The following IDE variants were observed in gnomAD, a reference collection of about 807,000 sequenced individuals.
IDE encodes insulin-degrading enzyme.
In IDE, 58 loss-of-function variants were observed where a neutral mutation model predicts 133.2. The observed-to-expected ratio is 0.44, with a 90% CI of 0.35 to 0.54. The LOEUF (loss-of-function observed/expected upper bound fraction) is 0.54, where lower values mean the gene tolerates loss of function less well. IDE is among the 20% of genes least tolerant of loss of function. IDE has a pLI of 0.00. For synonymous variants in IDE, 396 were observed against 421.3 expected, an observed-to-expected ratio of 0.94 and a Z score of 0.73; for missense variants, 981 against 1,234.0, an observed-to-expected ratio of 0.79 and a Z score of 3.07.
At chr10:92,547,288 T>C (rs921712601) in intron 1 of IDE, among the ~76,000 whole-genome samples, 4 of 151,868 alleles carry the variant, frequency 2.6e-5, no homozygotes, top group African/African-American at 9.7e-5. Context: ...TTTTACCATG[T>C]TTCCCAGGAT....
chr10:92,573,950 G>T lies in IDE; in HGVS notation c.70C>A (p.Arg24Ser). The change falls in exon 1 of 25, where the codon CGC (arginine) becomes AGC (serine). Residue 24 changes from arginine (R) to serine (S), a missense_variant. Physicochemically the swap from Arg to Ser is moderately radical, Grantham distance 110. This residue lies in a region of IDE where 321 missense variants were observed against 339.3 expected (regional missense o/e 0.95). Coordinates refer to ENST00000265986, the MANE Select transcript of IDE (RefSeq NM_004969.4). ...CACAGGCGCTCCGGAGGCGGCAGGC[G>T]GGCGCCGAGGACTGAGCGGAAGGTG... ...PSTFRSVLGARLPPPERLCGF... is the reference protein window; with the variant it reads ...PSTFRSVLGASLPPPERLCGF... The T allele has an allele frequency of 6.8e-7, 1 of 1,473,856 alleles. No individual in the cohort carries two copies. The highest frequency in any genetic ancestry group is 2.9e-5 in the East Asian group (1 of 34,000). 91.3% of individuals were successfully genotyped at this position (1,473,856 alleles called of 1,614,324 possible).
intron 4 of IDE, among the ~76,000 whole-genome samples, chr10:92,526,845 CAAAAAAAAAA>C (rs1165598095): frequency 1.8e-5 from 1 of 54,286 alleles, no homozygotes; most frequent in African/African-American, 7.1e-5. Flanking sequence ...GGCCCTGTCT[CAAAAAAAAAA>C]AAAAAAAAAA....
chr10:92,519,337 T>G (rs886637595), intron 4 of IDE, among the ~76,000 whole-genome samples: 2 of 152,218 alleles, frequency 1.3e-5, no homozygotes, highest in Admixed American at 6.5e-5. Flanking sequence ...TGTCCTAATT[T>G]TGTGCTCATT....
intron 6 of IDE, 67 bp downstream of exon 6, chr10:92,509,983 A>T: frequency 1.4e-6 from 1 of 709,662 alleles, no homozygotes; most frequent in Non-Finnish European, 2.4e-6. Context: ...CACCTGTTCT[A>T]TGGTAAACTA....
chr10:92,538,299 G>A (rs534540753), intron 1 of IDE, among the ~76,000 whole-genome samples: 2 of 152,358 alleles, frequency 1.3e-5, no homozygotes, highest in South Asian at 4.1e-4. Flanking sequence ...TTGAAAGATA[G>A]GGTAGATCTG....
intron 1 of IDE, among the ~76,000 whole-genome samples, chr10:92,549,950 C>A (rs971714611): frequency 3.3e-5 from 5 of 152,180 alleles, no homozygotes; most frequent in Non-Finnish European, 5.9e-5. Context: ...AGGCAGATCA[C>A]CTGAGGTCAG....
At chr10:92,478,924 G>C in intron 15 of IDE, 1 of 313,766 alleles carries the variant, frequency 3.2e-6, no homozygotes, top group Non-Finnish European at 5.0e-6. Context: ...GCCAACCTTA[G>C]GTTTTACAAA....
intron 1 of IDE, among the ~76,000 whole-genome samples, chr10:92,548,901 G>A (rs539933937): frequency 1.6e-4 from 25 of 152,224 alleles, no homozygotes; most frequent in Non-Finnish European, 3.2e-4. Flanking sequence ...ACAACTGAAG[G>A]TGCTAATGGC....
chr10:92,491,984 G>C (rs1564620040), intron 11 of IDE, among the ~76,000 whole-genome samples: 1 of 152,082 alleles, frequency 6.6e-6, no homozygotes, highest in Non-Finnish European at 1.5e-5. Context: ...TTCAAGGATG[G>C]GCATGGTGAC....
intron 1 of IDE, among the ~76,000 whole-genome samples, chr10:92,555,253 C>G (rs965704452): frequency 3.9e-5 from 6 of 152,098 alleles, no homozygotes; most frequent in African/African-American, 1.4e-4. Flanking sequence ...AATCCCAACA[C>G]TTTGGGAGCT....
At chr10:92,518,387 C>T (rs1564642699) in intron 4 of IDE, among the ~76,000 whole-genome samples, 1 of 152,130 alleles carries the variant, frequency 6.6e-6, no homozygotes, top group Non-Finnish European at 1.5e-5. Context: ...GAGAAAAATA[C>T]ACGTAAAAAA....
chr10:92,571,105 G>A (rs919600831), intron 1 of IDE, among the ~76,000 whole-genome samples: 9 of 151,402 alleles, frequency 5.9e-5, no homozygotes, highest in East Asian at 5.9e-4. Context: ...TCAGCCTCCC[G>A]GGTTCAAGCG....
chr10:92,470,594 G>A lies in IDE; in HGVS notation c.2117-249C>T, dbSNP rs549620578. ...ATTTTTATCTTTTTTTTTATTCCAG[G>A]ATTTGATCCACAACCCTCCATTACA... On this transcript the variant is annotated intron_variant, in intron 17 of 24. Coordinates refer to ENST00000265986, the MANE Select transcript of IDE (RefSeq NM_004969.4). Among the ~76,000 whole-genome samples, 5 of 151,752 alleles carry A rather than the reference G, an allele frequency of 3.3e-5. No individual in the cohort carries two copies. In the South Asian group the frequency reaches 1.0e-3, roughly 32 times the overall value.
chr10:92,518,157 A>T (rs190461070), intron 4 of IDE, among the ~76,000 whole-genome samples: 1 of 152,196 alleles, frequency 6.6e-6, no homozygotes, highest in Non-Finnish European at 1.5e-5. Flanking sequence ...TTTCTTTTCT[A>T]CTAAATGAAG....
intron 5 of IDE, among the ~76,000 whole-genome samples, chr10:92,512,809 A>G (rs1848699897): frequency 6.6e-6 from 1 of 152,224 alleles, no homozygotes; most frequent in Non-Finnish European, 1.5e-5. Context: ...TAGAAACAAA[A>G]GCTAAATTAT....
At chr10:92,516,748 T>C (rs991581113) in intron 4 of IDE, among the ~76,000 whole-genome samples, 2 of 152,210 alleles carry the variant, frequency 1.3e-5, no homozygotes, top group African/African-American at 2.4e-5. Flanking sequence ...TGAATTCTCA[T>C]AGATGTGATC....
Position 92,508,208 on chromosome 10 carries a change from G to GC in IDE, c.1061-4dup. The GC allele has an allele frequency of 1.2e-6, 2 of 1,609,204 alleles. No individual in the cohort carries two copies. Among genetic ancestry groups the GC allele is most frequent in the Non-Finnish European group, 1.7e-6 (2 of 1,177,672 alleles). On this transcript the variant is annotated splice_region_variant and splice_polypyrimidine_tract_variant and intron_variant, in intron 7 of 24. Coordinates refer to ENST00000265986, the MANE Select transcript of IDE (RefSeq NM_004969.4). ...ACCAACAAGAGTATTAACCCAGCCT[G>GC]CAACATTCAAAGGAAATCAATACGA...
intron 11 of IDE, among the ~76,000 whole-genome samples, chr10:92,496,944 G>A (rs143548294): frequency 5.3e-5 from 8 of 152,330 alleles, no homozygotes; most frequent in Non-Finnish European, 1.0e-4. Flanking sequence ...TGGAGATGGA[G>A]ATGGGCAAAT....
chr10:92,569,174 G>A (rs985013212), intron 1 of IDE, among the ~76,000 whole-genome samples: 7 of 152,212 alleles, frequency 4.6e-5, no homozygotes, highest in Non-Finnish European at 8.8e-5. Flanking sequence ...TCTCGGAATT[G>A]GGAATGAATA....
Sources: allele counts gnomAD v4.1 joint callset (sites outside exome capture counted in the v4.1 genomes callset), GRCh38; gene constraint gnomAD v4.1.1; regional missense constraint gnomAD v4.1.1; transcripts MANE v1.5; gene names NCBI Gene and HGNC (gene_info 2026-07-23, HGNC 2026-07-21).